BMI1: variants seen among roughly 807,000 people sequenced by gnomAD.
The protein encoded by BMI1 is polycomb complex protein BMI-1.
In BMI1, 9 loss-of-function variants were observed where a neutral mutation model predicts 39.1. The observed-to-expected ratio is 0.23, with a 90% CI of 0.14 to 0.40. BMI1 has a LOEUF of 0.40. Among genes scored for constraint, BMI1 ranks in the 10% least tolerant of loss-of-function variants. The pLI, the probability that BMI1 is intolerant of heterozygous loss-of-function variation, is 1.00. For synonymous variants in BMI1, 131 were observed against 127.9 expected (o/e 1.02, Z -0.16); for missense variants, 252 against 390.8 (o/e 0.64, Z 2.99).
At chr10:22,328,931 T>G in intron 8 of BMI1, 117 bp from the exon 9 acceptor site, 2 of 1,178,038 alleles carry the variant, frequency 1.7e-6, no homozygotes, top group Non-Finnish European at 2.4e-6. Context: ...GGAGTCTTTC[T>G]TTGTTAAAAT....
chr10:22,331,554 GAAGTGTC>G (rs1044602916), downstream of BMI1: 1 of 152,114 alleles, frequency 6.6e-6, no homozygotes, highest in Non-Finnish European at 1.5e-5. Flanking sequence ...AAAGTTAATG[GAAGTGTC>G]AAGTGATATT....
chr10:22,325,615 GCCGCCCCTCCC>G (rs1317847820), intron 1 of BMI1: 3 of 137,864 alleles, frequency 2.2e-5, no homozygotes, highest in Admixed American at 1.5e-4. Context: ...CCCGCGGCGC[GCCGCCCCTCCC>G]CCGCCCGCCC....
At position 22,331,151 on chromosome 10, in the gene BMI1, C is replaced by T. The variant is rs1353583448; in HGVS notation, c.*1609C>T. 1.3e-5 allele frequency: 2 copies of T among 152,342 alleles called. No homozygotes were observed. The highest frequency in any genetic ancestry group is 4.8e-5 in the African/African-American group (2 of 41,344). The allele number at this position is 152,342 out of a possible 1,614,324, so 9.4% of individuals were successfully genotyped here. A position where few individuals can be genotyped will look rare whatever the true frequency, so the allele number is the denominator to read the frequency against. On this transcript the variant is annotated 3_prime_UTR_variant, in exon 10 of 10. Transcript: ENST00000376663. ...CAAGATACATATATTTTTATTTTGA[C>T]CTAAATTTGTACAGTCCCATTGTAA...
Position 22,321,314 on chromosome 10 carries a change from C to T in BMI1, c.-402C>T, listed in dbSNP as rs1479120839. ...TCCGGCTTAGCAGCACCTCCCAGCC[C>T]CGCAGAATAAAACCGATCGCGCCCC... On this transcript the variant is annotated 5_prime_UTR_variant, in exon 1 of 10. Coordinates refer to ENST00000376663, the MANE Select transcript of BMI1 (RefSeq NM_005180.9). 1 of 153,346 alleles carries T rather than the reference C, an allele frequency of 6.5e-6. No homozygotes were observed. The highest frequency in any genetic ancestry group is 2.4e-5 in the African/African-American group (1 of 41,386). The allele number at this position is 153,346 out of a possible 1,614,324, so 9.5% of individuals were successfully genotyped here.
In BMI1 at chr10:22,326,541, T is replaced by C; in HGVS notation, c.92T>C (p.Ile31Thr). Residue 31 changes from isoleucine to threonine, a missense_variant, in exon 2 of 10, where the codon ATA becomes ACA. By Grantham distance (89) the Ile-to-Thr change is moderately conservative. This residue lies in a region of BMI1 where 62 missense variants were observed against 123.3 expected (regional missense o/e 0.50). Transcript: ENST00000376663. ...CGGYFIDATT[I>T]IECLHSFCKT... ...GGGTACTTCATTGATGCCACAACCA[T>C]AATAGAATGTCTACATTCCTGTAAG... The C allele has an allele frequency of 6.2e-7, 1 of 1,612,864 alleles. No homozygotes were observed. The highest frequency in any genetic ancestry group is 8.5e-7 in the Non-Finnish European group (1 of 1,179,512).
chr10:22,329,721 T>C lies in BMI1; in HGVS notation c.*179T>C. ...ATGTGATACTCCTATGGACGTTAAT[T>C]GAAAAGAAAGATTGTTGTTATAAAG... On this transcript the variant is annotated 3_prime_UTR_variant, in exon 10 of 10. Transcript: ENST00000376663. The C allele has an allele frequency of 1.4e-6, 1 of 702,236 alleles. No individual in the cohort carries two copies. The highest frequency in any genetic ancestry group is 2.3e-5 in the South Asian group (1 of 43,818). The allele number at this position is 702,236 out of a possible 1,614,324, so 43.5% of individuals were successfully genotyped here.
chr10:22,323,175 A>G (rs1433915874), intron 1 of BMI1, among the ~76,000 whole-genome samples: 1 of 152,240 alleles, frequency 6.6e-6, no homozygotes, highest in Non-Finnish European at 1.5e-5. Flanking sequence ...AATTATTGAC[A>G]GTATATAACA....
chr10:22,328,812 G>C, intron 8 of BMI1, 114 bp downstream of exon 8: 1 of 1,164,026 alleles, frequency 8.6e-7, no homozygotes, highest in South Asian at 1.8e-5. Context: ...TGAAGTTAGT[G>C]CTAAAGTTGA....
Position 22,329,927 on chromosome 10 carries a change from C to T in BMI1, c.*385C>T, listed in dbSNP as rs1219672190. 3.4e-5 allele frequency: 6 copies of T among 174,468 alleles called. No individual in the cohort carries two copies. The highest frequency in any genetic ancestry group is 7.4e-5 in the Non-Finnish European group (6 of 81,168). 10.8% of individuals were successfully genotyped at this position (174,468 alleles called of 1,614,324 possible). ...CTCCTTGATCGTTCTTGTTATTACG[C>T]TGTTTTGTGAACCTGTAGAAAACAA... On this transcript the variant is annotated 3_prime_UTR_variant, in exon 10 of 10. Transcript: ENST00000376663.
rs1836240815 is a variant in BMI1 at position 22,329,625 on chromosome 10, A to T, written c.*83A>T. Reference sequence around the variant, plus strand: ...TGCCATTACAGCTTTCTAGATGCTAATACATGTGACTATCGTCCAATTTGC... The same window carrying T: ...TGCCATTACAGCTTTCTAGATGCTATTACATGTGACTATCGTCCAATTTGC... On this transcript the variant is annotated 3_prime_UTR_variant, in exon 10 of 10. Transcript: ENST00000376663. 1.4e-6 allele frequency: 2 copies of T among 1,466,650 alleles called. No homozygotes were observed. The highest frequency in any genetic ancestry group is 1.8e-6 in the Non-Finnish European group (2 of 1,094,684). The allele number at this position is 1,466,650 out of a possible 1,614,324, so 90.9% of individuals were successfully genotyped here.
Position 22,326,870 on chromosome 10 carries a change from T to G in BMI1, c.113-20T>G. On this transcript the variant is annotated intron_variant, in intron 2 of 9. Coordinates refer to ENST00000376663, the MANE Select transcript of BMI1 (RefSeq NM_005180.9). The stretch of plus-strand genomic sequence containing the variant: ...CACTCATTTCTAAACATAAAAAAAC[T>G]TCACATGTTCTACTTCTAGTCTGTA... 6.2e-7 allele frequency: 1 copy of G among 1,611,338 alleles called. No homozygotes were observed. Among genetic ancestry groups the G allele is most frequent in the Non-Finnish European group, 8.5e-7 (1 of 1,178,970 alleles).
At chr10:22,322,732 T>C (rs1836039168) in intron 1 of BMI1, among the ~76,000 whole-genome samples, 2 of 152,218 alleles carry the variant, frequency 1.3e-5, no homozygotes, top group African/African-American at 4.8e-5. Context: ...CAGTCCACTA[T>C]CTTTTACAGG....
At chr10:22,326,662 G>C in intron 2 of BMI1, 101 bp downstream of exon 2, 1 of 1,519,220 alleles carries the variant, frequency 6.6e-7, no homozygotes, top group East Asian at 2.3e-5. Flanking sequence ...TGGAAATGTT[G>C]GTACAAAGTG....
Position 22,329,264 on chromosome 10 carries a change from A to G in BMI1, c.703A>G (p.Lys235Glu). 1.9e-6 allele frequency: 3 copies of G among 1,614,186 alleles called. No individual in the cohort carries two copies. Among genetic ancestry groups the G allele is most frequent in the Non-Finnish European group, 2.5e-6 (3 of 1,180,028 alleles). Residue 235 changes from lysine (K) to glutamate (E), a missense_variant, in exon 10 of 10, where the codon AAG becomes GAG. Physicochemically the swap from Lys to Glu is moderately conservative, Grantham distance 56. Coordinates refer to ENST00000376663, the MANE Select transcript of BMI1 (RefSeq NM_005180.9). ...YRVRPTCKRMKISHQRDGLTN... is the reference protein window; with the variant it reads ...YRVRPTCKRMEISHQRDGLTN... Reference sequence around the variant, plus strand: ...AGTTCGACCTACTTGTAAAAGAATGAAGATCAGTCACCAGAGAGATGGACT... The same window carrying G: ...AGTTCGACCTACTTGTAAAAGAATGGAGATCAGTCACCAGAGAGATGGACT...
At chr10:22,324,809 G>GT (rs1227419011) in intron 1 of BMI1, among the ~76,000 whole-genome samples, 7 of 152,218 alleles carry the variant, frequency 4.6e-5, no homozygotes, top group African/African-American at 1.4e-4. Context: ...GGGGGTTGAA[G>GT]TTTATTTTTC....
intron 1 of BMI1, chr10:22,322,232 T>A (rs1240530291): frequency 6.6e-6 from 1 of 152,010 alleles, no homozygotes; most frequent in East Asian, 1.9e-4. Flanking sequence ...TCAAGTGGCT[T>A]CCCTCCTCTC....
chr10:22,326,193 T>C (rs994927143), intron 1 of BMI1: 1 of 443,018 alleles, frequency 2.3e-6, no homozygotes, highest in Admixed American at 4.0e-5. Context: ...CCCCAGACTT[T>C]CTTCTACCTA....
At chr10:22,325,644 C>T (rs994829391) in intron 1 of BMI1, 3 of 147,158 alleles carry the variant, frequency 2.0e-5, no homozygotes, top group East Asian at 4.0e-4. Flanking sequence ...CCCGCCCGCC[C>T]GCCGCCCCGC....
Position 22,328,593 on chromosome 10 carries a change from C to T in BMI1, c.472-7C>T, listed in dbSNP as rs1319727235. On this transcript the variant is annotated splice_polypyrimidine_tract_variant and splice_region_variant and intron_variant, in intron 7 of 9. Coordinates refer to ENST00000376663, the MANE Select transcript of BMI1 (RefSeq NM_005180.9). ...TGAAAAAGTTACTTTTCTAAATGTA[C>T]TTTTAGGTGAATGATAAAAGATACT... The T allele has an allele frequency of 1.3e-6, 2 of 1,587,688 alleles. No homozygotes were observed.
Sources: allele counts gnomAD v4.1 joint callset (sites outside exome capture counted in the v4.1 genomes callset), GRCh38; gene constraint gnomAD v4.1.1; regional missense constraint gnomAD v4.1.1; transcripts MANE v1.5; gene names NCBI Gene and HGNC (gene_info 2026-07-23, HGNC 2026-07-21).